NRP2: variants seen among roughly 807,000 people sequenced by gnomAD.
The protein encoded by NRP2 is neuropilin 2.
A neutral mutation model predicts 110.4 loss-of-function variants in NRP2; 52 were observed. The observed-to-expected ratio is 0.47, with a 90% confidence interval of 0.38 to 0.59. The LOEUF is 0.59. NRP2 is among the 20% of genes least tolerant of loss of function. NRP2 has a pLI of 0.00. For synonymous variants in NRP2, 508 were observed against 468.9 expected (o/e 1.08, Z -1.08); for missense variants, 1,049 against 1,203.0 (o/e 0.87, Z 1.89).
At chr2:205,771,690 C>G (rs935119348) in intron 15 of NRP2, among the ~76,000 whole-genome samples, 3 of 152,124 alleles carry the variant, frequency 2.0e-5, no homozygotes, top group Non-Finnish European at 2.9e-5. Context: ...CAGGTTCAGA[C>G]AGAAATAGGA....
At chr2:205,751,597 C>T (rs2057646756) in intron 11 of NRP2, among the ~76,000 whole-genome samples, 1 of 152,116 alleles carries the variant, frequency 6.6e-6, no homozygotes, top group Admixed American at 6.5e-5. Context: ...AATATCCTGT[C>T]CTGGAAAGGG....
chr2:205,726,135 G>A, intron 6 of NRP2, 53 bp downstream of exon 6: 2 of 1,584,584 alleles, frequency 1.3e-6, no homozygotes, highest in Non-Finnish European at 8.7e-7. Flanking sequence ...TGCTGGGGTA[G>A]GAGGGTAGCT....
intron 1 of NRP2, among the ~76,000 whole-genome samples, chr2:205,687,511 C>G (rs979638452): frequency 6.6e-6 from 1 of 152,190 alleles, no homozygotes; most frequent in East Asian, 1.9e-4. Context: ...CAGTGCAAGA[C>G]AGTGGCAAGA....
intron 5 of NRP2, among the ~76,000 whole-genome samples, chr2:205,724,654 C>CTTTTTTTTTT (rs35094496): frequency 2.5e-5 from 2 of 80,348 alleles, no homozygotes; most frequent in African/African-American, 5.2e-5. Flanking sequence ...CAAACGATAA[C>CTTTTTTTTTT]TTTTTTTTTT....
intron 1 of NRP2, among the ~76,000 whole-genome samples, chr2:205,683,698 C>T (rs571437324): frequency 2.0e-5 from 3 of 152,112 alleles, no homozygotes; most frequent in African/African-American, 7.2e-5. Context: ...ATTTTTTTTC[C>T]CTGTCTTGAA....
At position 205,740,519 on chromosome 2, in the gene NRP2, G is replaced by T; in HGVS notation, c.1147G>T (p.Val383Leu). ...MVYRHGKNHKVFQANNDATEV... is the reference protein window; with the variant it reads ...MVYRHGKNHKLFQANNDATEV... ...CATGGTTTTGCATCTTACGCTACAG[G>T]TATTTCAAGCCAACAACGATGCAAC... The change falls in exon 8 of 17, where the codon GTA (valine) becomes TTA (leucine). Residue 383 changes from valine to leucine, a missense_variant and splice_region_variant. Val to Leu is a conservative substitution (Grantham distance 32). Transcript: ENST00000357785. 1.2e-6 allele frequency: 2 copies of T among 1,614,212 alleles called. No individual in the cohort carries two copies. The highest frequency in any genetic ancestry group is 2.2e-5 in the East Asian group (1 of 44,890).
intron 11 of NRP2, among the ~76,000 whole-genome samples, chr2:205,750,339 G>T (rs939484916): frequency 6.6e-6 from 1 of 152,140 alleles, no homozygotes; most frequent in Non-Finnish European, 1.5e-5. Flanking sequence ...GTCTTTCACC[G>T]CCACCAATTT....
chr2:205,714,403 T>C (rs1216008434), intron 2 of NRP2, among the ~76,000 whole-genome samples: 3 of 152,222 alleles, frequency 2.0e-5, no homozygotes, highest in Non-Finnish European at 2.9e-5. Flanking sequence ...GCAGAGCCTC[T>C]CAACCTTTGT....
At chr2:205,717,134 AC>A (rs1355821629) in intron 3 of NRP2, among the ~76,000 whole-genome samples, 2 of 134,612 alleles carry the variant, frequency 1.5e-5, no homozygotes, top group Non-Finnish European at 3.5e-5. Flanking sequence ...CATCAGCTAC[AC>A]TCAAGCTCTC....
chr2:205,729,248 C>T (rs889627074), intron 7 of NRP2, among the ~76,000 whole-genome samples: 1 of 152,232 alleles, frequency 6.6e-6, no homozygotes, highest in Non-Finnish European at 1.5e-5. Context: ...GGGTACCACT[C>T]ATCTGAAAAC....
At chr2:205,697,829 T>C (rs1453724312) in intron 2 of NRP2, 108 bp downstream of exon 2, 2 of 1,103,304 alleles carry the variant, frequency 1.8e-6, no homozygotes, top group African/African-American at 3.1e-5. Context: ...GACCTGCTGC[T>C]AACCAGTGGT....
chr2:205,726,820 G>A (rs1161927430), intron 6 of NRP2, among the ~76,000 whole-genome samples: 2 of 152,162 alleles, frequency 1.3e-5, no homozygotes, highest in African/African-American at 4.8e-5. Flanking sequence ...CTAGCTCTGA[G>A]GCGACACAGT....
Position 205,688,984 on chromosome 2 carries a change from A to G in NRP2, c.73+5621A>G, listed in dbSNP as rs184327373. On this transcript the variant is annotated intron_variant, in intron 1 of 16. Coordinates refer to ENST00000357785, the MANE Select transcript of NRP2 (RefSeq NM_003872.3). Reference sequence around the variant, plus strand: ...CCAGAACACAGGAAAGAGGGCCAGGATGACAAGGAGCTGAGTGCCTGTGTG... The same window carrying G: ...CCAGAACACAGGAAAGAGGGCCAGGGTGACAAGGAGCTGAGTGCCTGTGTG... Among the ~76,000 whole-genome samples, 462 of 152,336 alleles carry G rather than the reference A, an allele frequency of 3.0e-3. 1 individual carries two copies. Among genetic ancestry groups the G allele is most frequent in the Middle Eastern group, 6.8e-3 (2 of 294 alleles).
rs139075045 is a variant in NRP2 at position 205,736,210 on chromosome 2, C to T, written c.1147-4309C>T. Among the ~76,000 whole-genome samples, 1,016 of 152,114 alleles carry T rather than the reference C, an allele frequency of 6.7e-3. 20 individuals carry two copies. The highest frequency in any genetic ancestry group is 0.027 in the East Asian group (141 of 5,166). On this transcript the variant is annotated intron_variant, in intron 7 of 16. Coordinates refer to ENST00000357785, the MANE Select transcript of NRP2 (RefSeq NM_003872.3). ...TATAAAAATTAGCCAGGCTTGGTGG[C>T]GCATACCTGTAATCCCAGCTACTAG...
At chr2:205,735,455 T>TTA (rs1032853901) in intron 7 of NRP2, among the ~76,000 whole-genome samples, 188 of 147,338 alleles carry the variant, frequency 1.3e-3, no homozygotes, top group African/African-American at 4.1e-3. Context: ...TTATTAGATT[T>TTA]TATATATATA....
intron 2 of NRP2, among the ~76,000 whole-genome samples, chr2:205,709,036 G>A (rs887410804): frequency 1.3e-5 from 2 of 152,218 alleles, no homozygotes; most frequent in Non-Finnish European, 2.9e-5. Flanking sequence ...ACACTGTGCT[G>A]ACCCATTGAT....
intron 15 of NRP2, among the ~76,000 whole-genome samples, chr2:205,773,276 A>T (rs1315984132): frequency 6.6e-6 from 1 of 152,222 alleles, no homozygotes. Context: ...CTGCAAGTCA[A>T]CCAAGAGTTG....
intron 7 of NRP2, among the ~76,000 whole-genome samples, chr2:205,731,086 C>T (rs3771033): frequency 0.29 from 43,406 of 152,092 alleles, 7,033 homozygotes; most frequent in South Asian, 0.48. Context: ...AATCTTTATC[C>T]AATTCCACAT....
intron 2 of NRP2, among the ~76,000 whole-genome samples, chr2:205,708,658 T>C (rs1280402768): frequency 8.1e-6 from 1 of 123,810 alleles, no homozygotes; most frequent in Non-Finnish European, 1.8e-5. Context: ...ATGTTATTTG[T>C]CGTTTCCATT....
Sources: allele counts gnomAD v4.1 joint callset (sites outside exome capture counted in the v4.1 genomes callset), GRCh38; gene constraint gnomAD v4.1.1; transcripts MANE v1.5; gene names NCBI Gene and HGNC (gene_info 2026-07-23, HGNC 2026-07-21).